TTC7B: variants seen among roughly 807,000 people sequenced by gnomAD.
The protein encoded by TTC7B is tetratricopeptide repeat protein 7B.
A neutral mutation model predicts 106.8 loss-of-function variants in TTC7B; 28 were observed. The ratio of observed to expected loss-of-function variants is 0.26; its 90% CI spans 0.19 to 0.36. The LOEUF (loss-of-function observed/expected upper bound fraction) is 0.36. Among genes scored for constraint, TTC7B ranks in the 10% least tolerant of loss-of-function variants. TTC7B has a pLI of 1.00. For synonymous variants in TTC7B, 405 were observed against 430.6 expected (o/e 0.94, Z 0.74); for missense variants, 862 against 1,076.4 (o/e 0.80, Z 2.79).
chr14:90,615,273 G>A (rs1893022835), intron 16 of TTC7B, among the ~76,000 whole-genome samples: 1 of 152,164 alleles, frequency 6.6e-6, no homozygotes, highest in Non-Finnish European at 1.5e-5. Flanking sequence ...CTCACTCCCT[G>A]CTACTGCCCA....
intron 15 of TTC7B, among the ~76,000 whole-genome samples, chr14:90,638,170 C>A (rs1245636540): frequency 6.6e-6 from 1 of 152,072 alleles, no homozygotes; most frequent in African/African-American, 2.4e-5. Flanking sequence ...CAGGCGTGGA[C>A]CACTGCACCC....
chr14:90,639,676 C>T (rs547540335), intron 15 of TTC7B, among the ~76,000 whole-genome samples: 1 of 152,306 alleles, frequency 6.6e-6, no homozygotes, highest in South Asian at 2.1e-4. Flanking sequence ...AACTATTTCA[C>T]TCATAGAGAA....
At chr14:90,765,470 G>A (rs1230345005) in intron 3 of TTC7B, among the ~76,000 whole-genome samples, 3 of 152,160 alleles carry the variant, frequency 2.0e-5, no homozygotes, top group Non-Finnish European at 4.4e-5. Context: ...TGGTATATGA[G>A]TTATATATCA....
rs1189869615 is a variant in TTC7B, at chr14:90,541,524, C to T, written c.2376G>A (p.Gln792=). Residue 792 remains glutamine (Q), a synonymous_variant, in exon 20 of 20, where the codon CAG becomes CAA. Coordinates refer to ENST00000328459, the MANE Select transcript of TTC7B (RefSeq NM_001010854.2). ...AGACCTCGTGGGCTGTCGAGTTCAC[C>T]TGCACCGCGTCCCGGAGGATCTTCT... ...LAEKILRDAV[Q]VNSTAHEVWN... 6.2e-7 allele frequency: 1 copy of T among 1,613,556 alleles called. No individual in the cohort carries two copies. The highest frequency in any genetic ancestry group is 1.7e-5 in the Admixed American group (1 of 60,018).
chr14:90,548,512 C>T (rs1244211423), intron 19 of TTC7B, among the ~76,000 whole-genome samples: 3 of 152,238 alleles, frequency 2.0e-5, no homozygotes, highest in Non-Finnish European at 2.9e-5. Flanking sequence ...TTGCTGACTG[C>T]AAAGTGCTTT....
In TTC7B at chr14:90,530,077, G is replaced by C. The variant is rs1269276183; in HGVS notation, c.*11291C>G. ...AGGTCAGGAGATCAAGACCATCCTG[G>C]CCAACACGGCGAAACCCCGTCTCTA... On this transcript the variant is annotated 3_prime_UTR_variant, in exon 20 of 20. Transcript: ENST00000328459. 1 of 152,166 alleles carries C rather than the reference G, an allele frequency of 6.6e-6. No homozygotes were observed. Among genetic ancestry groups the C allele is most frequent in the African/African-American group, 2.4e-5 (1 of 41,420 alleles). 9.4% of individuals were successfully genotyped at this position (152,166 alleles called of 1,614,324 possible).
chr14:90,784,172 ACT>A (rs34201984), intron 2 of TTC7B, among the ~76,000 whole-genome samples: 41,165 of 151,416 alleles, frequency 0.27, 9,212 homozygotes, highest in African/African-American at 0.62. Context: ...CTGTCCCTTC[ACT>A]CTCTCCTGCT....
chr14:90,610,755 G>A lies in TTC7B; in HGVS notation c.1953C>T (p.Ser651=), dbSNP rs779705640. Residue 651 remains serine, a synonymous_variant, in exon 17 of 20, where the codon AGC becomes AGT. Coordinates refer to ENST00000328459, the MANE Select transcript of TTC7B (RefSeq NM_001010854.2). ...QLNTITLPDF[S]DPETGSVHAT... is the part of the protein sequence containing the mutation. ...TTTTATTCTCACCTGTCTCGGGATC[G>A]CTGAAGTCTGGCAAAGTAATTGTAT... 6 of 1,612,626 alleles carry A rather than the reference G, an allele frequency of 3.7e-6. No individual in the cohort carries two copies. The highest frequency in any genetic ancestry group is 3.4e-6 in the Non-Finnish European group (4 of 1,178,882).
At chr14:90,778,265 G>A (rs995330992) in intron 3 of TTC7B, among the ~76,000 whole-genome samples, 3 of 152,186 alleles carry the variant, frequency 2.0e-5, no homozygotes, top group Non-Finnish European at 2.9e-5. Flanking sequence ...GGTGTCCCAA[G>A]AGCCAATGCC....
At chr14:90,761,596 T>TA (rs1178078359) in intron 3 of TTC7B, among the ~76,000 whole-genome samples, 31 of 152,368 alleles carry the variant, frequency 2.0e-4, no homozygotes, top group Middle Eastern at 3.4e-3. Context: ...TCATGTCAGT[T>TA]AAACTCTTTA....
chr14:90,655,082 G>A lies in TTC7B; in HGVS notation c.1370C>T (p.Thr457Ile). The A allele has an allele frequency of 6.2e-7, 1 of 1,614,136 alleles. No individual in the cohort carries two copies. Among genetic ancestry groups the A allele is most frequent in the Non-Finnish European group, 8.5e-7 (1 of 1,179,978 alleles). Residue 457 changes from threonine to isoleucine, a missense_variant, in exon 12 of 20, where the codon ACT becomes ATT. Transcript: ENST00000328459. ...CGTTTTCTCTCCCACATCAACGACA[G>A]TTTTGGCAAACTTTTCAGCCTCTTC... ...WLEEAEKFAKTVVDVGEKTSE... is the reference protein window; with the variant it reads ...WLEEAEKFAKIVVDVGEKTSE...
chr14:90,585,144 C>T (rs1312544999), intron 18 of TTC7B, among the ~76,000 whole-genome samples: 3 of 152,358 alleles, frequency 2.0e-5, no homozygotes, highest in African/African-American at 7.2e-5. Context: ...ACAGCCCAGG[C>T]TCTGGCCTCA....
At chr14:90,698,419 A>G (rs889661997) in intron 5 of TTC7B, 1 of 152,218 alleles carries the variant, frequency 6.6e-6, no homozygotes, top group African/African-American at 2.4e-5. Flanking sequence ...CTGTTGCTTA[A>G]AACTCCACTC....
intron 17 of TTC7B, among the ~76,000 whole-genome samples, chr14:90,606,627 T>C (rs1892650948): frequency 3.3e-5 from 5 of 152,236 alleles, no homozygotes. Context: ...CCTCTTTCAC[T>C]GGCTGGGACC....
At chr14:90,738,972 C>A (rs1433617737) in intron 4 of TTC7B, among the ~76,000 whole-genome samples, 1 of 152,084 alleles carries the variant, frequency 6.6e-6, no homozygotes, top group Non-Finnish European at 1.5e-5. Flanking sequence ...CTGCAGTGAG[C>A]CAAGATTGCA....
intron 18 of TTC7B, among the ~76,000 whole-genome samples, chr14:90,591,753 TC>T (rs1891969205): frequency 6.6e-6 from 1 of 152,174 alleles, no homozygotes; most frequent in South Asian, 2.1e-4. Context: ...CCATACTCCT[TC>T]CCTTTCTGTT....
chr14:90,690,694 G>C (rs899217870), intron 6 of TTC7B, among the ~76,000 whole-genome samples: 4 of 152,148 alleles, frequency 2.6e-5, no homozygotes, highest in Non-Finnish European at 4.4e-5. Flanking sequence ...AAACCAGCAT[G>C]GTTTTCTACC....
rs540986687 is a variant in TTC7B, at chr14:90,531,688, T to A, written c.*9680A>T. ...CATTTCTATACAGGAGCTCTGTCCA[T>A]CTGCCAGTGCAGACAGGCACAGTCC... On this transcript the variant is annotated 3_prime_UTR_variant, in exon 20 of 20. Transcript: ENST00000328459. The A allele has an allele frequency of 6.9e-6, 1 of 145,660 alleles. No individual in the cohort carries two copies. Among genetic ancestry groups the A allele is most frequent in the Non-Finnish European group, 1.5e-5 (1 of 66,310 alleles). 9.0% of individuals were successfully genotyped at this position (145,660 alleles called of 1,614,324 possible).
At chr14:90,619,670 G>C (rs1269721652) in intron 15 of TTC7B, among the ~76,000 whole-genome samples, 1 of 152,326 alleles carries the variant, frequency 6.6e-6, no homozygotes, top group South Asian at 2.1e-4. Context: ...GGAAGAAGCT[G>C]TCAAGGCAGG....
Sources: allele counts gnomAD v4.1 joint callset (sites outside exome capture counted in the v4.1 genomes callset), GRCh38; gene constraint gnomAD v4.1.1; transcripts MANE v1.5; gene names NCBI Gene and HGNC (gene_info 2026-07-23, HGNC 2026-07-21).